The following FBXL17 variants were observed in gnomAD, a reference collection of about 807,000 sequenced individuals.
FBXL17 encodes F-box/LRR-repeat protein 17.
Under a neutral mutation model 66.2 loss-of-function variants are expected in FBXL17, and 22 were observed. The ratio of observed to expected loss-of-function variants is 0.33; its 90% CI spans 0.24 to 0.47. The LOEUF is 0.47. Ranked by LOEUF, FBXL17 falls within the 20% of genes least tolerant of loss-of-function variation. The probability of loss-of-function intolerance (pLI) is 1.00; values close to 1 mark genes in which losing one functional copy is unlikely to be tolerated. For missense variants in FBXL17, 878 were observed against 948.2 expected, an observed-to-expected ratio of 0.93 and a Z score of 0.97; for synonymous variants, 474 against 400.5, an observed-to-expected ratio of 1.18 and a Z score of -2.19.
chr5:107,896,906 T>A (rs1014721064), intron 7 of FBXL17, among the ~76,000 whole-genome samples: 5 of 152,054 alleles, frequency 3.3e-5, no homozygotes, highest in Admixed American at 2.0e-4. Flanking sequence ...AAAATATAGC[T>A]TTTATGTGGG....
At chr5:108,027,859 T>C (rs987358762) in intron 6 of FBXL17, among the ~76,000 whole-genome samples, 2 of 152,128 alleles carry the variant, frequency 1.3e-5, no homozygotes, top group African/African-American at 4.8e-5. Flanking sequence ...GAAACACATG[T>C]AGTTAGTTAC....
chr5:108,126,645 C>CATATATA (rs1750714025), intron 6 of FBXL17, among the ~76,000 whole-genome samples: 1 of 76,036 alleles, frequency 1.3e-5, no homozygotes, highest in African/African-American at 4.7e-5. Flanking sequence ...CTCTCTCTCT[C>CATATATA]TCTCTCTATA....
chr5:107,922,852 A>C (rs1750370200), intron 7 of FBXL17, among the ~76,000 whole-genome samples: 1 of 152,204 alleles, frequency 6.6e-6, no homozygotes, highest in Non-Finnish European at 1.5e-5. Context: ...TGTGGTATAA[A>C]GAATAAGCTC....
At chr5:108,349,547 T>G (rs1433646696) in intron 3 of FBXL17, among the ~76,000 whole-genome samples, 1 of 152,218 alleles carries the variant, frequency 6.6e-6, no homozygotes, top group East Asian at 1.9e-4. Flanking sequence ...TAGGCTGCAC[T>G]ACAACCAATA....
intron 4 of FBXL17, among the ~76,000 whole-genome samples, chr5:108,250,090 G>A (rs1756277871): frequency 6.6e-6 from 1 of 152,066 alleles, no homozygotes; most frequent in South Asian, 2.1e-4. Flanking sequence ...AGGAAATTTA[G>A]ATGTTTCAGT....
intron 5 of FBXL17, among the ~76,000 whole-genome samples, chr5:108,205,571 T>C (rs1247898913): frequency 1.3e-5 from 2 of 152,200 alleles, no homozygotes; most frequent in East Asian, 3.8e-4. Context: ...CTCTTTCTTT[T>C]CTACAATGTT....
intron 6 of FBXL17, among the ~76,000 whole-genome samples, chr5:108,033,113 G>A (rs1008229106): frequency 2.6e-5 from 4 of 152,148 alleles, no homozygotes; most frequent in African/African-American, 9.7e-5. Context: ...TGAAAAAGTT[G>A]ACAGAATTGT....
At chr5:108,109,062 C>T (rs541172598) in intron 6 of FBXL17, among the ~76,000 whole-genome samples, 2 of 152,118 alleles carry the variant, frequency 1.3e-5, no homozygotes, top group East Asian at 3.9e-4. Flanking sequence ...GGATTACAGG[C>T]GTGAGCCACT....
chr5:108,231,672 G>C (rs564121256), intron 4 of FBXL17, among the ~76,000 whole-genome samples: 1 of 152,190 alleles, frequency 6.6e-6, no homozygotes, highest in South Asian at 2.1e-4. Context: ...ATTGCCACCT[G>C]TTCATCTTGA....
At chr5:108,222,828 C>T (rs1754928198) in intron 5 of FBXL17, among the ~76,000 whole-genome samples, 1 of 151,870 alleles carries the variant, frequency 6.6e-6, no homozygotes, top group Admixed American at 6.6e-5. Flanking sequence ...CACCACACCA[C>T]CATGCCCAGC....
chr5:107,987,932 G>A (rs906724119), intron 7 of FBXL17, among the ~76,000 whole-genome samples: 1 of 151,924 alleles, frequency 6.6e-6, no homozygotes, highest in South Asian at 2.1e-4. Context: ...TAGCTGAGAC[G>A]ATTATTTTGT....
At chr5:108,262,910 T>A (rs988505260) in intron 4 of FBXL17, among the ~76,000 whole-genome samples, 14 of 152,360 alleles carry the variant, frequency 9.2e-5, no homozygotes, top group Non-Finnish European at 5.9e-5. Flanking sequence ...TGTTAAATTA[T>A]ACAGTGAAGG....
At chr5:108,187,693 A>G (rs1419116624) in intron 5 of FBXL17, among the ~76,000 whole-genome samples, 1 of 152,038 alleles carries the variant, frequency 6.6e-6, no homozygotes, top group African/African-American at 2.4e-5. Context: ...AACCTTAAGG[A>G]ATTTAATTCT....
At position 108,380,901 on chromosome 5, in the gene FBXL17, G is replaced by A. The variant is rs1337411578; in HGVS notation, c.791C>T (p.Ser264Phe). 55 of 1,233,434 alleles carry A rather than the reference G, an allele frequency of 4.5e-5. No homozygotes were observed. Among genetic ancestry groups the A allele is most frequent in the Non-Finnish European group, 5.4e-5 (53 of 984,132 alleles). 76.4% of individuals were successfully genotyped at this position (1,233,434 alleles called of 1,614,324 possible). A position where few individuals can be genotyped will look rare whatever the true frequency, so the allele number is the denominator to read the frequency against. Residue 264 changes from serine to phenylalanine, a missense_variant, in exon 1 of 9, where the codon TCT becomes TTT. By Grantham distance (155) the Ser-to-Phe change is radical (BLOSUM62 -2). This residue lies in a region of FBXL17 where 605 missense variants were observed against 509.5 expected (regional missense o/e 1.19). Coordinates refer to ENST00000542267, the MANE Select transcript of FBXL17 (RefSeq NM_001163315.3). ...GGTGGGGGCACCTTCGGAGGTGGGA[G>A]AAGAGGGCGGAGGGCAGAGCGGCTG... ...PPQPLCPPPS[S>F]PTSEGAPTEA...
intron 7 of FBXL17, among the ~76,000 whole-genome samples, chr5:107,991,097 G>T (rs971596403): frequency 6.6e-6 from 1 of 152,188 alleles, no homozygotes; most frequent in African/African-American, 2.4e-5. Context: ...AACTGTAGGG[G>T]TAATGTCAAA....
At chr5:108,182,663 G>A (rs1753050622) in intron 6 of FBXL17, among the ~76,000 whole-genome samples, 5 of 151,734 alleles carry the variant, frequency 3.3e-5, no homozygotes, top group Non-Finnish European at 5.9e-5. Context: ...CATATATTTA[G>A]GATCAAACAC....
At chr5:108,210,886 G>C (rs1167638313) in intron 5 of FBXL17, among the ~76,000 whole-genome samples, 1 of 152,110 alleles carries the variant, frequency 6.6e-6, no homozygotes, top group African/African-American at 2.4e-5. Context: ...CTGTCTCATT[G>C]ATCTGTCTAA....
chr5:108,288,626 T>C (rs1164222405), intron 4 of FBXL17, among the ~76,000 whole-genome samples: 7 of 151,796 alleles, frequency 4.6e-5, no homozygotes, highest in African/African-American at 1.7e-4. Context: ...CAGAAAATGA[T>C]GGAAGGGAGG....
intron 7 of FBXL17, among the ~76,000 whole-genome samples, chr5:107,897,391 G>A (rs964409239): frequency 2.6e-5 from 4 of 152,124 alleles, no homozygotes; most frequent in Non-Finnish European, 5.9e-5. Flanking sequence ...GCCTTGAAAG[G>A]AAAAGATGAA....
Sources: allele counts gnomAD v4.1 joint callset (sites outside exome capture counted in the v4.1 genomes callset), GRCh38; gene constraint gnomAD v4.1.1; regional missense constraint gnomAD v4.1.1; transcripts MANE v1.5; gene names NCBI Gene and HGNC (gene_info 2026-07-23, HGNC 2026-07-21).